Variants in PLEKHG1 observed in about 807,000 individuals in gnomAD.
PLEKHG1 encodes the protein pleckstrin homology and RhoGEF domain containing G1, also known as pleckstrin homology domain-containing family G member 1.
PLEKHG1 carries 44 observed loss-of-function variants against 100.8 expected under a neutral mutation model. The observed-to-expected ratio is 0.44, with a 90% CI of 0.34 to 0.56. PLEKHG1 has a LOEUF of 0.56. PLEKHG1 is among the 20% of genes least tolerant of loss of function. The probability of loss-of-function intolerance (pLI) is 0.01; values close to 1 mark genes in which losing one functional copy is unlikely to be tolerated. For missense variants in PLEKHG1, 1,545 were observed against 1,720.9 expected, an observed-to-expected ratio of 0.90 and a Z score of 1.81; for synonymous variants, 640 against 662.5, an observed-to-expected ratio of 0.97 and a Z score of 0.52.
intron 7 of PLEKHG1, among the ~76,000 whole-genome samples, chr6:150,805,006 A>C (rs949925014): frequency 2.2e-4 from 33 of 150,442 alleles, no homozygotes; most frequent in Admixed American, 2.0e-3. Context: ...CACGATCTCC[A>C]CTCACCACAA....
chr6:150,650,007 G>A (rs553839810), intron 2 of PLEKHG1, among the ~76,000 whole-genome samples: 4 of 147,698 alleles, frequency 2.7e-5, no homozygotes, highest in Non-Finnish European at 5.9e-5. Flanking sequence ...GCGGGACTCC[G>A]TCTCAAAAAA....
At chr6:150,719,518 A>T (rs535420705), upstream of PLEKHG1, among the ~76,000 whole-genome samples, 10 of 152,270 alleles carry the variant, frequency 6.6e-5, no homozygotes, top group Non-Finnish European at 8.8e-5. Context: ...TAGGAGTGAG[A>T]CACTTAGAAA....
At chr6:150,708,468 C>T (rs941917864) in intron 3 of PLEKHG1, among the ~76,000 whole-genome samples, 1 of 152,078 alleles carries the variant, frequency 6.6e-6, no homozygotes, top group Non-Finnish European at 1.5e-5. Context: ...TGTTAGAATA[C>T]TTTTTCTAGG....
At position 150,831,564 on chromosome 6, in the gene PLEKHG1, G is replaced by A; in HGVS notation, c.2453G>A (p.Gly818Asp). The A allele has an allele frequency of 1.2e-6, 2 of 1,614,182 alleles. No homozygotes were observed. Among genetic ancestry groups the A allele is most frequent in the Non-Finnish European group, 1.7e-6 (2 of 1,180,028 alleles). ...AGTTTGCTGTATGACTCTCCCAGTG[G>A]TAACTTGTCTATGCCTCATAAGCCT... The change falls in exon 15 of 16, where the codon GGT becomes GAT. Residue 818 changes from glycine to aspartate, a missense_variant. Gly to Asp is a moderately conservative substitution (Grantham distance 94). Transcript: ENST00000358517. The surrounding 1 kb of genome is among the most constrained non-coding windows in gnomAD (Gnocchi z 4.1).
intron 3 of PLEKHG1, among the ~76,000 whole-genome samples, chr6:150,696,258 C>T (rs1206988286): frequency 2.0e-5 from 3 of 152,076 alleles, no homozygotes; most frequent in African/African-American, 4.8e-5. Context: ...GTCCTTAGGC[C>T]AGGAGACCCA....
At position 150,818,940 on chromosome 6, in the gene PLEKHG1, C is replaced by T. The variant is rs192589156; in HGVS notation, c.1312+724C>T. ...CCTCCAGCCTGGCACTTGTTAACTC[C>T]CCAGGGGGAAAAGCAGCATCAGCAA... On this transcript the variant is annotated intron_variant, in intron 11 of 15. Coordinates refer to ENST00000358517, the Ensembl canonical transcript of PLEKHG1. 1.2e-3 allele frequency among the ~76,000 whole-genome samples: 180 copies of T among 152,152 alleles called. 2 individuals carry two copies. The highest frequency in any genetic ancestry group is 3.8e-3 in the African/African-American group (158 of 41,530).
chr6:150,713,390 G>A (rs1781308609), intron 3 of PLEKHG1, among the ~76,000 whole-genome samples: 1 of 152,092 alleles, frequency 6.6e-6, no homozygotes, highest in Non-Finnish European at 1.5e-5. Flanking sequence ...TCCGTCAATG[G>A]GATTGTTCCC....
chr6:150,804,155 T>TATATATATATATATATA (rs1554276213), intron 6 of PLEKHG1, among the ~76,000 whole-genome samples: 6 of 30,272 alleles, frequency 2.0e-4, no homozygotes, highest in African/African-American at 8.5e-4. Context: ...TGTAAATATT[T>TATATATATATATATATA]TATATATATA....
chr6:150,774,086 G>C (rs1376618314), intron 3 of PLEKHG1, among the ~76,000 whole-genome samples: 1 of 152,168 alleles, frequency 6.6e-6, no homozygotes, highest in African/African-American at 2.4e-5. Context: ...TGTTCTAAGA[G>C]TGGTTCATAG....
intron 1 of PLEKHG1, among the ~76,000 whole-genome samples, chr6:150,615,717 C>T (rs925829750): frequency 1.3e-5 from 2 of 152,012 alleles, no homozygotes; most frequent in East Asian, 1.9e-4. Context: ...ATAAGCAGAC[C>T]GGATATGAGG....
intron 2 of PLEKHG1, among the ~76,000 whole-genome samples, chr6:150,741,973 C>T (rs1417988943): frequency 1.3e-5 from 2 of 152,160 alleles, no homozygotes; most frequent in Non-Finnish European, 2.9e-5. Flanking sequence ...ATGTCTCTAG[C>T]CATTGCCAAG....
At chr6:150,711,228 A>C (rs949023897) in intron 3 of PLEKHG1, among the ~76,000 whole-genome samples, 2 of 152,136 alleles carry the variant, frequency 1.3e-5, no homozygotes, top group Admixed American at 1.3e-4. Flanking sequence ...TAGGGTGGTG[A>C]CAGTGTTAAG....
At chr6:150,700,286 A>G (rs757422663) in intron 3 of PLEKHG1, among the ~76,000 whole-genome samples, 5 of 152,208 alleles carry the variant, frequency 3.3e-5, no homozygotes, top group Non-Finnish European at 7.3e-5. Flanking sequence ...TGGAGCAGCC[A>G]CAGACTGAGG....
intron 3 of PLEKHG1, among the ~76,000 whole-genome samples, chr6:150,707,976 C>T (rs531754787): frequency 6.6e-6 from 1 of 152,144 alleles, no homozygotes; most frequent in Non-Finnish European, 1.5e-5. Context: ...TCCAGGGACC[C>T]CTGCCCCGGA....
At chr6:150,787,341 G>A (rs1489254912) in intron 4 of PLEKHG1, among the ~76,000 whole-genome samples, 3 of 152,182 alleles carry the variant, frequency 2.0e-5, no homozygotes, top group Non-Finnish European at 4.4e-5. Flanking sequence ...CTCGTGCTCC[G>A]AAGTGGAATA....
At chr6:150,793,989 G>A (rs1444740235) in intron 4 of PLEKHG1, among the ~76,000 whole-genome samples, 1 of 152,204 alleles carries the variant, frequency 6.6e-6, no homozygotes, top group Non-Finnish European at 1.5e-5. Context: ...GGCTAAGGCA[G>A]GAGAATCACT....
At chr6:150,671,284 T>A (rs990143933) in intron 3 of PLEKHG1, among the ~76,000 whole-genome samples, 5 of 152,190 alleles carry the variant, frequency 3.3e-5, no homozygotes, top group Non-Finnish European at 5.9e-5. Flanking sequence ...ACATGGTAGA[T>A]CTACTTTTAG....
intron 3 of PLEKHG1, among the ~76,000 whole-genome samples, chr6:150,655,865 A>G (rs1778949155): frequency 6.6e-6 from 1 of 151,856 alleles, no homozygotes; most frequent in Non-Finnish European, 1.5e-5. Context: ...AAAACCAAAC[A>G]CCACATGTTC....
intron 2 of PLEKHG1, among the ~76,000 whole-genome samples, chr6:150,761,294 C>T (rs1203130455): frequency 3.3e-5 from 5 of 150,962 alleles, no homozygotes; most frequent in African/African-American, 7.3e-5. Context: ...TTAGTAGAGA[C>T]GAGGTTTCAC....
Sources: allele counts gnomAD v4.1 joint callset (sites outside exome capture counted in the v4.1 genomes callset), GRCh38; gene constraint gnomAD v4.1.1; non-coding constraint Gnocchi (gnomAD v3.1); transcripts MANE v1.5; gene names NCBI Gene and HGNC (gene_info 2026-07-23, HGNC 2026-07-21).